Variants in RHBDL3 observed in about 807,000 individuals in gnomAD.
The protein encoded by RHBDL3 is rhomboid like 3.
Under a neutral mutation model 48.2 loss-of-function variants are expected in RHBDL3, and 28 were observed. The observed-to-expected ratio is 0.58, with a 90% CI of 0.43 to 0.80. The LOEUF (loss-of-function observed/expected upper bound fraction) is 0.80. Ranked by LOEUF, RHBDL3 falls within the 30% of genes least tolerant of loss-of-function variation. The probability of loss-of-function intolerance (pLI) is 0.00; values close to 1 mark genes in which losing one functional copy is unlikely to be tolerated. For synonymous variants in RHBDL3, 208 were observed against 232.3 expected (o/e 0.90, Z 0.95); for missense variants, 464 against 542.7 (o/e 0.85, Z 1.44).
chr17:32,273,945 G>A (rs62064180), intron 2 of RHBDL3, among the ~76,000 whole-genome samples: 19,257 of 151,982 alleles, frequency 0.13, 1,439 homozygotes, highest in Non-Finnish European at 0.16. Flanking sequence ...CATGTTGGCC[G>A]GGGTGGTCTT....
At chr17:32,293,175 G>A (rs960277184) in intron 4 of RHBDL3, among the ~76,000 whole-genome samples, 2 of 151,300 alleles carry the variant, frequency 1.3e-5, no homozygotes, top group Admixed American at 6.6e-5. Flanking sequence ...CTGGAGGGAG[G>A]GGGTGGGGCG....
intron 4 of RHBDL3, 116 bp downstream of exon 4, chr17:32,289,132 G>A: frequency 1.3e-6 from 1 of 776,878 alleles, no homozygotes; most frequent in Non-Finnish European, 2.2e-6. Context: ...CTTTTCCATT[G>A]AAGGGCAATG....
intron 6 of RHBDL3, 77 bp downstream of exon 6, chr17:32,298,281 C>A (rs1708245080): frequency 1.1e-6 from 1 of 913,754 alleles, no homozygotes; most frequent in African/African-American, 1.6e-5. Flanking sequence ...GCGGGGCAAG[C>A]CCCAGGTTTC....
At chr17:32,300,835 T>C (rs2040565556) in intron 6 of RHBDL3, among the ~76,000 whole-genome samples, 1 of 151,636 alleles carries the variant, frequency 6.6e-6, no homozygotes, top group Non-Finnish European at 1.5e-5. Flanking sequence ...ACCTGAAAAG[T>C]ACTAGAACTA....
intron 4 of RHBDL3, among the ~76,000 whole-genome samples, chr17:32,290,790 C>T (rs989284750): frequency 3.3e-5 from 5 of 151,806 alleles, no homozygotes; most frequent in Non-Finnish European, 7.4e-5. Flanking sequence ...ATCTCTTGAG[C>T]CCAGGAATTC....
chr17:32,285,575 A>C (rs1014496122), intron 3 of RHBDL3, among the ~76,000 whole-genome samples: 3 of 152,144 alleles, frequency 2.0e-5, no homozygotes, highest in African/African-American at 7.2e-5. Flanking sequence ...GCGCTATTTC[A>C]GGGGCTGCTG....
intron 5 of RHBDL3, 135 bp from the exon 6 acceptor site, chr17:32,297,957 G>A: frequency 1.5e-6 from 1 of 658,616 alleles, no homozygotes; most frequent in South Asian, 1.8e-5. Flanking sequence ...CCTAGACCAT[G>A]AGCTCCTCGC....
chr17:32,271,159 T>C (rs2039764850), intron 2 of RHBDL3, among the ~76,000 whole-genome samples: 1 of 152,238 alleles, frequency 6.6e-6, no homozygotes, highest in African/African-American at 2.4e-5. Context: ...CCTCCCCAGA[T>C]CTCATAAATA....
intron 3 of RHBDL3, among the ~76,000 whole-genome samples, chr17:32,285,150 G>A (rs2040164967): frequency 6.7e-6 from 1 of 150,260 alleles, no homozygotes; most frequent in African/African-American, 2.5e-5. Context: ...GGGAGGGAGG[G>A]ATGGAGGGAA....
rs566932113 is a variant in RHBDL3 at position 32,321,284 on chromosome 17, G to A, written c.*55G>A. The A allele has an allele frequency of 4.0e-4, 644 of 1,610,060 alleles. 9 individuals carry two copies. In the South Asian group the frequency reaches 6.4e-3, roughly 16 times the overall value. ...GGGAAAAGCAGCACCCACAGGGAGC[G>A]CCTGCGAGGTTTCTTCTCATCACCA... On this transcript the variant is annotated 3_prime_UTR_variant, in exon 9 of 9. Transcript: ENST00000269051.
chr17:32,308,186 G>T (rs1798252063), intron 7 of RHBDL3, among the ~76,000 whole-genome samples: 1 of 152,178 alleles, frequency 6.6e-6, no homozygotes, highest in South Asian at 2.1e-4. Context: ...GAGATGAGCA[G>T]CCTCATCTGA....
At chr17:32,270,704 A>C (rs896543583) in intron 2 of RHBDL3, among the ~76,000 whole-genome samples, 2 of 152,106 alleles carry the variant, frequency 1.3e-5, no homozygotes, top group African/African-American at 4.8e-5. Flanking sequence ...CATGGGTCCC[A>C]GAAGTTGCAG....
intron 3 of RHBDL3, 46 bp from the exon 4 acceptor site, chr17:32,288,746 G>C: frequency 6.8e-7 from 1 of 1,465,598 alleles, no homozygotes. Flanking sequence ...GGGGAGCTCC[G>C]CTGGGCCCCA....
intron 5 of RHBDL3, among the ~76,000 whole-genome samples, chr17:32,295,020 T>C (rs1027313994): frequency 2.0e-5 from 3 of 152,170 alleles, no homozygotes; most frequent in Non-Finnish European, 1.5e-5. Flanking sequence ...CCATATCCCT[T>C]GAAGAGCAGT....
At chr17:32,266,775 C>A (rs2039643139) in intron 1 of RHBDL3, among the ~76,000 whole-genome samples, 1 of 152,244 alleles carries the variant, frequency 6.6e-6, no homozygotes, top group Non-Finnish European at 1.5e-5. Flanking sequence ...CGCCCGGCAC[C>A]TGCCTTGCCG....
intron 2 of RHBDL3, 105 bp from the exon 3 acceptor site, chr17:32,284,554 C>A: frequency 9.0e-7 from 1 of 1,107,904 alleles, no homozygotes; most frequent in Non-Finnish European, 1.3e-6. Flanking sequence ...CTGCCAGGGG[C>A]TGGGGACTAA....
rs553958375 is a variant in RHBDL3, at chr17:32,290,610, G to C, written c.519+1594G>C. ...GAGGGACATGGTGTAAAGCAACAAA[G>C]GGGTCCACTACCAGCAAGCAATAAG... On this transcript the variant is annotated intron_variant, in intron 4 of 8. Transcript: ENST00000269051. 1.2e-4 allele frequency among the ~76,000 whole-genome samples: 19 copies of C among 152,264 alleles called. 1 individual carries two copies. Among genetic ancestry groups the C allele is most frequent in the African/African-American group, 4.6e-4 (19 of 41,540 alleles).
chr17:32,282,282 C>T (rs971072766), intron 2 of RHBDL3, among the ~76,000 whole-genome samples: 1 of 152,144 alleles, frequency 6.6e-6, no homozygotes, highest in Non-Finnish European at 1.5e-5. Flanking sequence ...AAATATGCCT[C>T]GGGGCCAGGC....
intron 4 of RHBDL3, among the ~76,000 whole-genome samples, chr17:32,291,806 C>G (rs556811983): frequency 1.4e-5 from 2 of 140,890 alleles, no homozygotes; most frequent in African/African-American, 5.3e-5. Context: ...GAGTCTCCCT[C>G]TGTCACCCAG....
Sources: gnomAD v4.1 joint callset for allele counts (sites outside exome capture counted in the v4.1 genomes callset) on GRCh38, gnomAD v4.1.1 for gene constraint, MANE v1.5 for transcripts, NCBI Gene and HGNC (gene_info 2026-07-23, HGNC 2026-07-21) for gene names.